B2M: variants seen among roughly 807,000 people sequenced by gnomAD.
The protein encoded by B2M is beta chain of MHC class I molecules.
In B2M, 3 loss-of-function variants were observed where a neutral mutation model predicts 14.5. The observed-to-expected ratio is 0.21, with a 90% CI of 0.09 to 0.53. The LOEUF is 0.53. B2M is among the 20% of genes least tolerant of loss of function. The pLI is 0.95. For missense variants in B2M, 107 were observed against 140.8 expected, an observed-to-expected ratio of 0.76 and a Z score of 1.21; for synonymous variants, 45 against 52.7, an observed-to-expected ratio of 0.85 and a Z score of 0.64.
intron 2 of B2M, chr15:44,716,037 A>G: frequency 1.7e-6 from 1 of 601,234 alleles, no homozygotes; most frequent in Non-Finnish European, 2.9e-6. Flanking sequence ...CTTCAGGTAT[A>G]TTTAGCACTG....
chr15:44,711,703 CCCTTCT>C, intron 1 of B2M, 90 bp downstream of exon 1: 1 of 1,468,660 alleles, frequency 6.8e-7, no homozygotes. Flanking sequence ...TCCGTGACTT[CCCTTCT>C]CCAAGTTCTC....
At chr15:44,715,369 C>A (rs761507957) in intron 1 of B2M, 54 bp from the exon 2 acceptor site, 138 of 1,575,216 alleles carry the variant, frequency 8.8e-5, no homozygotes, top group Admixed American at 2.2e-4. Context: ...ACCAAGTTAG[C>A]CCCAAGTGAA....
chr15:44,711,928 G>T, intron 1 of B2M: 1 of 534,340 alleles, frequency 1.9e-6, no homozygotes, highest in Admixed American at 3.1e-5. Flanking sequence ...GTTGGGGGAG[G>T]GTTTCTCTTC....
chr15:44,715,780 A>T lies in B2M; in HGVS notation c.346+79A>T, dbSNP rs1473404432. The T allele has an allele frequency of 2.6e-6, 4 of 1,559,200 alleles. No individual in the cohort carries two copies. In the East Asian group the frequency reaches 6.7e-5, roughly 26 times the overall value. On this transcript the variant is annotated intron_variant, in intron 2 of 3. Transcript: ENST00000648006. ...TCATAAAGCTGCTTTGATATAAAAA[A>T]GGTCTATGGCCATACTACCCTGAAT...
At chr15:44,711,979 A>T in intron 1 of B2M, 1 of 415,214 alleles carries the variant, frequency 2.4e-6, no homozygotes, top group African/African-American at 2.0e-5. Flanking sequence ...GCGCAGCTGG[A>T]GTGGGGGACG....
intron 1 of B2M, chr15:44,713,657 C>G (rs780826718): frequency 2.6e-5 from 4 of 152,228 alleles, no homozygotes; most frequent in Non-Finnish European, 5.9e-5. Context: ...AAAATCTTGC[C>G]GCCTTCCCTC....
intron 1 of B2M, 83 bp from the exon 2 acceptor site, chr15:44,715,340 G>C (rs1474492118): frequency 4.6e-5 from 67 of 1,471,532 alleles, no homozygotes; most frequent in Non-Finnish European, 6.3e-5. Context: ...TAAACACTTG[G>C]TGCCTGATAT....
In B2M at chr15:44,715,645, A is replaced by C; in HGVS notation, c.290A>C (p.Glu97Ala). The change falls in exon 2 of 4, where the codon GAG becomes GCG. Residue 97 changes from glutamate (E) to alanine (A), a missense_variant. Physicochemically the swap from Glu to Ala is moderately radical, Grantham distance 107 (BLOSUM62 -1). Transcript: ENST00000648006. ...GAATTCACCCCCACTGAAAAAGATG[A>C]GTATGCCTGCCGTGTGAACCATGTG... is the stretch of plus-strand genomic sequence containing the variant. Reference protein sequence around the residue: ...YTEFTPTEKDEYACRVNHVTL... With the variant: ...YTEFTPTEKDAYACRVNHVTL... 2 of 1,614,190 alleles carry C rather than the reference A, an allele frequency of 1.2e-6. No individual in the cohort carries two copies. Among genetic ancestry groups the C allele is most frequent in the Non-Finnish European group, 1.7e-6 (2 of 1,180,032 alleles).
intron 1 of B2M, 122 bp from the exon 2 acceptor site, chr15:44,715,301 T>G (rs1042189813): frequency 8.4e-7 from 1 of 1,195,906 alleles, no homozygotes. Context: ...AGAGTGGAAA[T>G]GGAATTGGGA....
intron 1 of B2M, chr15:44,712,824 C>G (rs1784605870): frequency 6.6e-6 from 1 of 151,950 alleles, no homozygotes; most frequent in South Asian, 2.1e-4. Context: ...ATGGTGAAGC[C>G]TGGTCTCTAC....
rs11553044 is a variant in B2M, at chr15:44,711,582, A to T, written c.36A>T (p.Leu12=). Residue 12 remains leucine, a synonymous_variant, in exon 1 of 4, where the codon CTA becomes CTT. Coordinates refer to ENST00000648006, the MANE Select transcript of B2M (RefSeq NM_004048.4). ...SRSVALAVLA[L]LSLSGLEAIQ... ...CCGTGGCCTTAGCTGTGCTCGCGCT[A>T]CTCTCTCTTTCTGGCCTGGAGGCTA... The T allele has an allele frequency of 1.9e-6, 3 of 1,613,462 alleles. No homozygotes were observed. Among genetic ancestry groups the T allele is most frequent in the Non-Finnish European group, 2.5e-6 (3 of 1,179,886 alleles).
chr15:44,713,837 T>G (rs2086913640), intron 1 of B2M: 1 of 152,210 alleles, frequency 6.6e-6, no homozygotes, highest in Admixed American at 6.5e-5. Flanking sequence ...GCTAGTAGCC[T>G]TTCCTTAATG....
intron 1 of B2M, chr15:44,711,940 G>C (rs1462907912): frequency 2.0e-6 from 1 of 498,350 alleles, no homozygotes; most frequent in Non-Finnish European, 3.7e-6. Context: ...TTTCTCTTCC[G>C]CTCTTTCGCG....
At chr15:44,716,662 C>A in intron 3 of B2M, 1 of 460,560 alleles carries the variant, frequency 2.2e-6, no homozygotes, top group Non-Finnish European at 3.9e-6. Context: ...CTTTCTTCTG[C>A]CATTTCCACA....
At chr15:44,713,427 G>A (rs2086909796) in intron 1 of B2M, 1 of 152,194 alleles carries the variant, frequency 6.6e-6, no homozygotes, top group South Asian at 2.1e-4. Flanking sequence ...CAAGAAACAT[G>A]TAATGATGAT....
At chr15:44,715,382 A>G (rs751946626) in intron 1 of B2M, 41 bp from the exon 2 acceptor site, 3 of 1,597,896 alleles carry the variant, frequency 1.9e-6, no homozygotes, top group African/African-American at 2.7e-5. Flanking sequence ...CAAGTGAAAT[A>G]CCCTGGCAAT....
intron 1 of B2M, 99 bp from the exon 2 acceptor site, chr15:44,715,324 C>G (rs1394249276): frequency 7.1e-7 from 1 of 1,403,196 alleles, no homozygotes; most frequent in Non-Finnish European, 1.0e-6. Context: ...AATCGATGAC[C>G]AAATGTAAAC....
chr15:44,716,397 C>A lies in B2M; in HGVS notation c.*14+41C>A, dbSNP rs190477540. The A allele has an allele frequency of 9.4e-5, 145 of 1,549,750 alleles. No individual in the cohort carries two copies. The East Asian group carries it at 2.0e-3, about 21-fold the overall frequency. On this transcript the variant is annotated intron_variant, in intron 3 of 3. Transcript: ENST00000648006. The stretch of plus-strand genomic sequence containing the variant: ...TGAGAAAATGTTTTTGTTTCACTGT[C>A]CTGAGGACTATTTATAGACAGCTCT...
rs2141289132 is a variant in B2M at position 44,715,659 on chromosome 15, G to A, written c.304G>A (p.Val102Met). Residue 102 changes from valine (V) to methionine (M), a missense_variant, in exon 2 of 4, where the codon GTG (valine) becomes ATG (methionine). By Grantham distance (21) the Val-to-Met change is conservative. Transcript: ENST00000648006. Reference sequence around the variant, plus strand: ...TGAAAAAGATGAGTATGCCTGCCGTGTGAACCATGTGACTTTGTCACAGCC... The same window carrying A: ...TGAAAAAGATGAGTATGCCTGCCGTATGAACCATGTGACTTTGTCACAGCC... ...PTEKDEYACR[V>M]NHVTLSQPKI... The A allele has an allele frequency of 6.2e-7, 1 of 1,614,212 alleles. No homozygotes were observed. Among genetic ancestry groups the A allele is most frequent in the Non-Finnish European group, 8.5e-7 (1 of 1,180,032 alleles).
Sources: gnomAD v4.1 joint callset for allele counts on GRCh38, gnomAD v4.1.1 for gene constraint, MANE v1.5 for transcripts, NCBI Gene and HGNC (gene_info 2026-07-23, HGNC 2026-07-21) for gene names.